NBR1: variants seen among roughly 807,000 people sequenced by gnomAD.
NBR1 encodes the protein next to BRCA1 gene 1 protein.
NBR1 carries 59 observed loss-of-function variants against 115.5 expected under a neutral mutation model. The ratio of observed to expected loss-of-function variants is 0.51; its 90% CI spans 0.41 to 0.63. The LOEUF (loss-of-function observed/expected upper bound fraction) is 0.63. Among genes scored for constraint, NBR1 ranks in the 30% least tolerant of loss-of-function variants. The probability of loss-of-function intolerance (pLI) is 0.00; values close to 1 mark genes in which losing one functional copy is unlikely to be tolerated. For synonymous variants in NBR1, 373 were observed against 414.7 expected, an observed-to-expected ratio of 0.90 and a Z score of 1.22; for missense variants, 1,043 against 1,150.5, an observed-to-expected ratio of 0.91 and a Z score of 1.35.
chr17:43,198,968 A>G (rs1469888983), intron 16 of NBR1, among the ~76,000 whole-genome samples: 1 of 152,016 alleles, frequency 6.6e-6, no homozygotes, highest in Non-Finnish European at 1.5e-5. Context: ...ATCTCAAATC[A>G]ATCAGTCATG....
rs530197761 is a variant in NBR1 at position 43,194,005 on chromosome 17, A to G, written c.1525-345A>G. 5.9e-5 allele frequency among the ~76,000 whole-genome samples: 9 copies of G among 152,298 alleles called. No individual in the cohort carries two copies. In the South Asian group the frequency reaches 1.9e-3, roughly 32 times the overall value. ...CTGAAATACCCTGTGTATGTTCCCT[A>G]AATACTAATGAAGTCTTGCCCTGGT... On this transcript the variant is annotated intron_variant, in intron 12 of 20. Coordinates refer to ENST00000590996, the MANE Select transcript of NBR1 (RefSeq NM_005899.5).
Position 43,209,417 on chromosome 17 carries a change from T to G in NBR1, c.2728-484T>G, listed in dbSNP as rs2057375218. The G allele has an allele frequency of 7.4e-6, 5 of 678,454 alleles. No homozygotes were observed. The South Asian group carries it at 9.1e-5, about 12-fold the overall frequency. 42.0% of individuals were successfully genotyped at this position (678,454 alleles called of 1,614,324 possible). A position where few individuals can be genotyped will look rare whatever the true frequency, so the allele number is the denominator to read the frequency against. On this transcript the variant is annotated intron_variant, in intron 20 of 20. Transcript: ENST00000590996. ...TTGGAGGAGAAAAAATCAAGAAGCCTTCCCAGGTTGTAATTTCCCAAGCTG... is the reference window on the plus strand; with the variant it reads ...TTGGAGGAGAAAAAATCAAGAAGCCGTCCCAGGTTGTAATTTCCCAAGCTG...
chr17:43,172,244 T>TA (rs2056393020), intron 1 of NBR1, among the ~76,000 whole-genome samples: 1 of 152,198 alleles, frequency 6.6e-6, no homozygotes, highest in Admixed American at 6.5e-5. Flanking sequence ...CGTTTAAGAT[T>TA]AATGCTCCTG....
chr17:43,188,931 A>T, intron 6 of NBR1, 111 bp from the exon 7 acceptor site: 1 of 764,802 alleles, frequency 1.3e-6, no homozygotes, highest in Non-Finnish European at 2.2e-6. Flanking sequence ...TTTTTAAAAA[A>T]TTATATACTT....
intron 16 of NBR1, among the ~76,000 whole-genome samples, chr17:43,199,242 A>AT (rs901918112): frequency 2.0e-3 from 289 of 146,000 alleles, no homozygotes; most frequent in Middle Eastern, 3.5e-3. Flanking sequence ...AATGAGCTAA[A>AT]TTTTTTTTTT....
chr17:43,191,903 G>T (rs928870172), intron 10 of NBR1, among the ~76,000 whole-genome samples: 3 of 151,328 alleles, frequency 2.0e-5, no homozygotes, highest in Non-Finnish European at 4.4e-5. Context: ...TGTATTTTTA[G>T]TAGAGATGGG....
At chr17:43,201,845 T>C (rs1339339679) in intron 18 of NBR1, 65 bp downstream of exon 18, 2 of 924,448 alleles carry the variant, frequency 2.2e-6, no homozygotes, top group Admixed American at 2.1e-5. Context: ...CAGGTATAAA[T>C]AGCCTCTCTC....
chr17:43,177,337 C>T (rs1267588402), intron 2 of NBR1, among the ~76,000 whole-genome samples: 1 of 147,674 alleles, frequency 6.8e-6, no homozygotes, highest in African/African-American at 2.5e-5. Context: ...CAGGAGATAT[C>T]CATCTATACA....
At chr17:43,194,055 A>G (rs1209183133) in intron 12 of NBR1, among the ~76,000 whole-genome samples, 1 of 152,180 alleles carries the variant, frequency 6.6e-6, no homozygotes, top group Non-Finnish European at 1.5e-5. Context: ...CAGTTTTTTA[A>G]TGCAATTTCT....
intron 18 of NBR1, among the ~76,000 whole-genome samples, 166 bp downstream of exon 18, chr17:43,201,946 A>G (rs1031901646): frequency 2.6e-4 from 40 of 152,072 alleles, no homozygotes; most frequent in African/African-American, 9.7e-4. Context: ...TTGGGAGGCC[A>G]AGGCAGGCGG....
At chr17:43,180,917 G>A (rs765595971) in intron 5 of NBR1, 100 bp downstream of exon 5, 1 of 1,145,540 alleles carries the variant, frequency 8.7e-7, no homozygotes, top group Non-Finnish European at 1.1e-6. Context: ...TGTCATCCAG[G>A]CTGGTGTGCA....
At chr17:43,183,063 G>A (rs565457779) in intron 5 of NBR1, among the ~76,000 whole-genome samples, 11 of 150,468 alleles carry the variant, frequency 7.3e-5, no homozygotes, top group East Asian at 3.9e-4. Flanking sequence ...TGCGCCTGGC[G>A]TCTTTTTTTT....
chr17:43,192,374 GT>G (rs2056968919), intron 10 of NBR1, among the ~76,000 whole-genome samples: 1 of 150,022 alleles, frequency 6.7e-6, no homozygotes, highest in African/African-American at 2.5e-5. Flanking sequence ...TGTTTGTTTT[GT>G]TTTTGAGACG....
chr17:43,185,591 C>T (rs752825714), intron 5 of NBR1, among the ~76,000 whole-genome samples: 1 of 152,036 alleles, frequency 6.6e-6, no homozygotes, highest in Non-Finnish European at 1.5e-5. Flanking sequence ...ATCCCAGCTA[C>T]CCGGGAGGCT....
In NBR1 at chr17:43,194,450, C is replaced by G; in HGVS notation, c.1625C>G (p.Ala542Gly). 1 of 1,613,944 alleles carries G rather than the reference C, an allele frequency of 6.2e-7. No individual in the cohort carries two copies. The highest frequency in any genetic ancestry group is 8.5e-7 in the Non-Finnish European group (1 of 1,179,874). ...ACIPQKAKNV[A>G]SERELYIPSV... is the part of the protein sequence containing the mutation. ...ATCCCACAGAAGGCAAAAAATGTTGCCAGTGAGAGGGAGCTCTACATCCCA... is the reference window on the plus strand; with the variant it reads ...ATCCCACAGAAGGCAAAAAATGTTGGCAGTGAGAGGGAGCTCTACATCCCA... Residue 542 changes from alanine (A) to glycine (G), a missense_variant, in exon 13 of 21, where the codon GCC (alanine) becomes GGC (glycine). Physicochemically the swap from Ala to Gly is moderately conservative, Grantham distance 60. Transcript: ENST00000590996.
At chr17:43,201,801 T>C in intron 18 of NBR1, 21 bp downstream of exon 18, 1 of 1,262,648 alleles carries the variant, frequency 7.9e-7, no homozygotes, top group Non-Finnish European at 1.2e-6. Flanking sequence ...GCCTAAGCTT[T>C]TTCTCTTTTT....
At chr17:43,209,084 T>TC (rs1259285045) in intron 20 of NBR1, among the ~76,000 whole-genome samples, 2 of 151,794 alleles carry the variant, frequency 1.3e-5, no homozygotes, top group East Asian at 1.9e-4. Context: ...TATTCTTGTT[T>TC]TTTTTTTTTT....
intron 5 of NBR1, among the ~76,000 whole-genome samples, chr17:43,185,096 G>GA (rs200184405): frequency 0.012 from 1,613 of 131,802 alleles, 17 homozygotes; most frequent in African/African-American, 0.031. Flanking sequence ...TCAAAAAAAA[G>GA]AAAAAAAAAA....
intron 5 of NBR1, among the ~76,000 whole-genome samples, chr17:43,183,712 T>G (rs1431130875): frequency 1.3e-5 from 2 of 152,150 alleles, no homozygotes; most frequent in Non-Finnish European, 2.9e-5. Context: ...CAGACTGGAG[T>G]GCAGTGGTAC....
Sources: allele counts gnomAD v4.1 joint callset (sites outside exome capture counted in the v4.1 genomes callset), GRCh38; gene constraint gnomAD v4.1.1; transcripts MANE v1.5; gene names NCBI Gene and HGNC (gene_info 2026-07-23, HGNC 2026-07-21).